Variants in RGS6 observed in about 807,000 individuals in gnomAD.
RGS6 encodes regulator of G-protein signaling 6.
A neutral mutation model predicts 78.5 loss-of-function variants in RGS6; 30 were observed. The observed-to-expected ratio is 0.38, with a 90% CI of 0.29 to 0.52. The LOEUF (loss-of-function observed/expected upper bound fraction) is 0.52. RGS6 is among the 20% of genes least tolerant of loss of function. RGS6 has a pLI of 0.85. For missense variants in RGS6, 495 were observed against 609.7 expected, an observed-to-expected ratio of 0.81 and a Z score of 1.98; for synonymous variants, 206 against 206.0, an observed-to-expected ratio of 1.00 and a Z score of 0.00.
At chr14:72,188,479 TATCATC>T (rs34314181) in intron 2 of RGS6, among the ~76,000 whole-genome samples, 12 of 150,816 alleles carry the variant, frequency 8.0e-5, no homozygotes, top group South Asian at 4.2e-4. Flanking sequence ...CTATAGCAGT[TATCATC>T]ATCATCATCA....
At chr14:72,259,893 A>G (rs904119910) in intron 2 of RGS6, among the ~76,000 whole-genome samples, 2 of 130,050 alleles carry the variant, frequency 1.5e-5, no homozygotes, top group Non-Finnish European at 3.1e-5. Context: ...CCTGGGTGAC[A>G]GAGTGAGACT....
At chr14:72,298,431 CTT>C (rs1201498031) in intron 2 of RGS6, among the ~76,000 whole-genome samples, 1,603 of 83,704 alleles carry the variant, frequency 0.019, 15 homozygotes, top group Middle Eastern at 0.033. Context: ...CATTAATGTT[CTT>C]TTTTTTTTTT....
the RGS6 span, among the ~76,000 whole-genome samples, chr14:72,613,712 C>T: frequency 2.0e-5 from 3 of 152,180 alleles, no homozygotes; most frequent in Non-Finnish European, 4.4e-5. Flanking sequence ...TTCCCTGTTC[C>T]TTCTAGAAAA....
intron 2 of RGS6, among the ~76,000 whole-genome samples, chr14:72,009,253 A>G (rs1567010664): frequency 1.3e-5 from 2 of 152,198 alleles, no homozygotes; most frequent in Admixed American, 6.5e-5. Flanking sequence ...CGGGAAGCTG[A>G]AGTGGGAAGA....
chr14:72,587,239 A>T, the RGS6 span, among the ~76,000 whole-genome samples: 1 of 151,216 alleles, frequency 6.6e-6, no homozygotes, highest in Non-Finnish European at 1.5e-5. Context: ...AACCACATCC[A>T]TTTCCAGCCC....
the RGS6 span, among the ~76,000 whole-genome samples, chr14:72,575,879 G>T: frequency 6.6e-6 from 1 of 152,190 alleles, no homozygotes; most frequent in Non-Finnish European, 1.5e-5. Context: ...GCCCCAGATC[G>T]ACTTGCTTTC....
chr14:72,603,396 C>G, the RGS6 span, among the ~76,000 whole-genome samples: 1 of 152,350 alleles, frequency 6.6e-6, no homozygotes, highest in Non-Finnish European at 1.5e-5. Flanking sequence ...AGATCTGCTT[C>G]TGATTCTGCC....
chr14:72,058,986 C>G (rs529450598), intron 2 of RGS6, among the ~76,000 whole-genome samples: 1 of 152,272 alleles, frequency 6.6e-6, no homozygotes, highest in South Asian at 2.1e-4. Flanking sequence ...TCACTGCAAC[C>G]TCTACCTCCT....
rs149332119 is a variant in RGS6 at position 72,457,050 on chromosome 14, C to T, written c.236-1221C>T. 6.5e-3 allele frequency among the ~76,000 whole-genome samples: 931 copies of T among 143,224 alleles called. 10 individuals are homozygous for T. The highest frequency in any genetic ancestry group is 0.023 in the African/African-American group (884 of 38,248). 94.0% of individuals were successfully genotyped at this position (143,224 alleles called of 152,430 possible). A position where few individuals can be genotyped will look rare whatever the true frequency, so the allele number is the denominator to read the frequency against. The stretch of plus-strand genomic sequence containing the variant: ...AATGAGCTGTGATCATGCCACTGCA[C>T]TCCAGCCTGGGTGACAAGAGTCAGA... On this transcript the variant is annotated intron_variant, in intron 4 of 17. Coordinates refer to ENST00000553525, the MANE Select transcript of RGS6 (RefSeq NM_001204424.2).
At chr14:71,961,565 G>T (rs77427878) in intron 1 of RGS6, among the ~76,000 whole-genome samples, 1 of 152,270 alleles carries the variant, frequency 6.6e-6, no homozygotes, top group East Asian at 1.9e-4. Flanking sequence ...GCCTGGATTT[G>T]GACATGGATC....
chr14:72,261,849 A>G (rs533597907), intron 2 of RGS6, among the ~76,000 whole-genome samples: 2 of 152,318 alleles, frequency 1.3e-5, no homozygotes, highest in East Asian at 3.9e-4. Flanking sequence ...GAATTAAAGC[A>G]AATTACTTGG....
chr14:72,495,368 G>A (rs1188560878), intron 13 of RGS6, 106 bp downstream of exon 13: 1 of 780,346 alleles, frequency 1.3e-6, no homozygotes, highest in Non-Finnish European at 2.3e-6. Context: ...TTTATCGCTA[G>A]AACAGAAACC....
At chr14:71,940,064 C>G (rs2090262781) in intron 1 of RGS6, among the ~76,000 whole-genome samples, 1 of 152,192 alleles carries the variant, frequency 6.6e-6, no homozygotes, top group Non-Finnish European at 1.5e-5. Flanking sequence ...ACTGGACACA[C>G]TATAAGCTGG....
chr14:72,398,023 G>T (rs1455751985), intron 3 of RGS6, among the ~76,000 whole-genome samples: 1 of 152,086 alleles, frequency 6.6e-6, no homozygotes, highest in African/African-American at 2.4e-5. Flanking sequence ...TTTTTATGTG[G>T]TGTCTCTGCC....
At chr14:72,054,708 T>C (rs2093524762) in intron 2 of RGS6, among the ~76,000 whole-genome samples, 1 of 152,206 alleles carries the variant, frequency 6.6e-6, no homozygotes, top group Non-Finnish European at 1.5e-5. Flanking sequence ...AATTCTCCTT[T>C]ATCTTACTCC....
intron 2 of RGS6, among the ~76,000 whole-genome samples, chr14:72,282,746 C>A (rs918084970): frequency 1.3e-5 from 2 of 152,158 alleles, no homozygotes; most frequent in Admixed American, 6.5e-5. Context: ...TTTCCTTGTG[C>A]CCCCTTGTTG....
chr14:72,579,619 C>G, the RGS6 span, among the ~76,000 whole-genome samples: 1 of 152,172 alleles, frequency 6.6e-6, no homozygotes, highest in Non-Finnish European at 1.5e-5. Flanking sequence ...CCCAGCCCCT[C>G]TGAGCATCCT....
intron 4 of RGS6, 92 bp from the exon 5 acceptor site, chr14:72,458,179 G>A: frequency 1.1e-6 from 1 of 915,026 alleles, no homozygotes; most frequent in Non-Finnish European, 1.7e-6. Context: ...ACATCTGGGG[G>A]TGATGACAGT....
intron 2 of RGS6, among the ~76,000 whole-genome samples, chr14:72,093,991 T>C (rs1321635787): frequency 1.3e-5 from 2 of 152,134 alleles, no homozygotes; most frequent in Non-Finnish European, 1.5e-5. Flanking sequence ...ATTAAAGATA[T>C]GTATGTACTA....
Sources: allele counts gnomAD v4.1 joint callset (sites outside exome capture counted in the v4.1 genomes callset), GRCh38; gene constraint gnomAD v4.1.1; transcripts MANE v1.5; gene names NCBI Gene and HGNC (gene_info 2026-07-23, HGNC 2026-07-21).